ARID3A: variants seen among roughly 807,000 people sequenced by gnomAD.
The protein encoded by ARID3A is AT-rich interaction domain 3A.
Under a neutral mutation model 52.7 loss-of-function variants are expected in ARID3A, and 11 were observed. That is an observed-to-expected ratio of 0.21 (90% CI 0.13 to 0.35). ARID3A has a LOEUF of 0.35. Among genes scored for constraint, ARID3A ranks in the 10% least tolerant of loss-of-function variants. The pLI, the probability that ARID3A is intolerant of heterozygous loss-of-function variation, is 1.00. For synonymous variants in ARID3A, 404 were observed against 359.4 expected (o/e 1.12, Z -1.40); for missense variants, 721 against 838.5 (o/e 0.86, Z 1.73).
rs916028319 is a variant in ARID3A at position 929,429 on chromosome 19, C to T, written c.-100C>T. The T allele has an allele frequency of 2.3e-5, 27 of 1,161,302 alleles. No homozygotes were observed. The highest frequency in any genetic ancestry group is 7.3e-4 in the Middle Eastern group (2 of 2,754). 71.9% of individuals were successfully genotyped at this position (1,161,302 alleles called of 1,614,324 possible). A position where few individuals can be genotyped will look rare whatever the true frequency, so the allele number is the denominator to read the frequency against. On this transcript the variant is annotated 5_prime_UTR_variant, in exon 2 of 9. Coordinates refer to ENST00000263620, the MANE Select transcript of ARID3A (RefSeq NM_005224.3). This position sits in a 1 kb window ranked among gnomAD's most constrained non-coding sequence, Gnocchi z 6.2. ...CCCCCGCGGCCCCCACGCTGCAGTG[C>T]GGCCGGGCCCCCTCCCCGCAGGGGC...
At chr19:934,103 C>T (rs946981340) in intron 3 of ARID3A, among the ~76,000 whole-genome samples, 4 of 152,160 alleles carry the variant, frequency 2.6e-5, no homozygotes, top group African/African-American at 9.7e-5. Flanking sequence ...CAATATTCGC[C>T]ATCTGCCCGG....
chr19:946,862 C>T (rs921351986), intron 3 of ARID3A, among the ~76,000 whole-genome samples: 10 of 151,536 alleles, frequency 6.6e-5, no homozygotes, highest in African/African-American at 1.9e-4. Context: ...GATGTCATCT[C>T]GGCTCACTGC....
At position 929,506 on chromosome 19, in the gene ARID3A, G is replaced by A. The variant is rs1423256177; in HGVS notation, c.-23G>A. ...CGTGGTGGTGGTGGTGGTGGTGGTG[G>A]TGGTGGCCCGGGCCGCAGGGCCATG... is the stretch of plus-strand genomic sequence containing the variant. On this transcript the variant is annotated 5_prime_UTR_variant, in exon 2 of 9. The change creates a new upstream start codon in the 5' untranslated region. Transcript: ENST00000263620. This position sits in a 1 kb window ranked among gnomAD's most constrained non-coding sequence, Gnocchi z 6.2. 2 of 1,505,094 alleles carry A rather than the reference G, an allele frequency of 1.3e-6. No homozygotes were observed. The highest frequency in any genetic ancestry group is 1.8e-6 in the Non-Finnish European group (2 of 1,133,604). 93.2% of individuals were successfully genotyped at this position (1,505,094 alleles called of 1,614,324 possible).
rs1479185771 is a variant in ARID3A, at chr19:941,791, G to A, written c.693+9049G>A. Among the ~76,000 whole-genome samples, 1 of 150,326 alleles carries A rather than the reference G, an allele frequency of 6.7e-6. No homozygotes were observed. The highest frequency in any genetic ancestry group is 2.5e-5 in the African/African-American group (1 of 40,760). On this transcript the variant is annotated intron_variant, in intron 3 of 8. Transcript: ENST00000263620. The surrounding 1 kb of genome is among the most constrained non-coding windows in gnomAD (Gnocchi z 6.9). ...TGTGTGGATGTGGCTGTGTGTGTGT[G>A]TGTGTGTGTGTGTGTGTCAGGGGTG...
At chr19:965,129 C>CT (rs1568372366) in intron 6 of ARID3A, 49 bp downstream of exon 6, 3 of 1,535,952 alleles carry the variant, frequency 2.0e-6, no homozygotes, top group Non-Finnish European at 2.6e-6. Context: ...GAGCTTCAGC[C>CT]TGGCTGTCTG....
In ARID3A at chr19:934,532, AG is replaced by A. The variant is rs921214871; in HGVS notation, c.693+1796del. On this transcript the variant is annotated intron_variant, in intron 3 of 8. Transcript: ENST00000263620. ...TGGGGAAACTGAGGCCAGTGCAGGGAGGGGGGTCACTGTGTCACCGGCAGCC... is the reference window on the plus strand; with the variant it reads ...TGGGGAAACTGAGGCCAGTGCAGGGAGGGGGTCACTGTGTCACCGGCAGCC... 5.3e-5 allele frequency among the ~76,000 whole-genome samples: 8 copies of A among 152,054 alleles called. No homozygotes were observed. In the South Asian group the frequency reaches 1.5e-3, roughly 28 times the overall value.
intron 1 of ARID3A, among the ~76,000 whole-genome samples, chr19:927,457 C>G (rs944842749): frequency 2.0e-5 from 3 of 151,974 alleles, no homozygotes; most frequent in Admixed American, 6.5e-5. Flanking sequence ...TGTCCTGCTC[C>G]CCTCCCCCAC....
At chr19:945,761 C>T (rs1407808817) in intron 3 of ARID3A, among the ~76,000 whole-genome samples, 2 of 152,156 alleles carry the variant, frequency 1.3e-5, no homozygotes, top group Non-Finnish European at 2.9e-5. Flanking sequence ...TCGACATGGC[C>T]GGGGCAGGCG....
intron 3 of ARID3A, among the ~76,000 whole-genome samples, chr19:954,775 G>T (rs1012256913): frequency 2.6e-5 from 4 of 151,340 alleles, no homozygotes; most frequent in Non-Finnish European, 4.4e-5. Flanking sequence ...GGCTGAGAAG[G>T]CCTCGCAGAC....
At chr19:928,053 A>T (rs954963312) in intron 1 of ARID3A, among the ~76,000 whole-genome samples, 2 of 151,842 alleles carry the variant, frequency 1.3e-5, no homozygotes, top group African/African-American at 4.8e-5. Flanking sequence ...GGGTCACAGG[A>T]GGGATCTGAG....
At position 939,904 on chromosome 19, in the gene ARID3A, G is replaced by A. The variant is rs923688090; in HGVS notation, c.693+7162G>A. Among the ~76,000 whole-genome samples the A allele has an allele frequency of 1.3e-5, 2 of 152,042 alleles. 1 individual carries two copies. Among genetic ancestry groups the A allele is most frequent in the Admixed American group, 1.3e-4 (2 of 15,240 alleles). ...GAATCGGCAACACGTTTTCTTCGTC[G>A]TGCCCCGGAGACCCCCAGACTGGTG... On this transcript the variant is annotated intron_variant, in intron 3 of 8. Coordinates refer to ENST00000263620, the MANE Select transcript of ARID3A (RefSeq NM_005224.3).
intron 3 of ARID3A, among the ~76,000 whole-genome samples, chr19:933,278 G>A (rs978064244): frequency 3.3e-5 from 5 of 152,198 alleles, no homozygotes; most frequent in Admixed American, 1.3e-4. Flanking sequence ...CCGAGTGGGC[G>A]GTTAAGGCTG....
chr19:944,567 C>T lies in ARID3A; in HGVS notation c.693+11825C>T, dbSNP rs933546585. On this transcript the variant is annotated intron_variant, in intron 3 of 8. Coordinates refer to ENST00000263620, the MANE Select transcript of ARID3A (RefSeq NM_005224.3). The surrounding 1 kb of genome is among the most constrained non-coding windows in gnomAD (Gnocchi z 5.9). ...GTGAGCGTCCCCCACCCAGGACCCC[C>T]GACCCCGGCCCTGGGAGGGCCCGAC... Among the ~76,000 whole-genome samples the T allele has an allele frequency of 6.6e-6, 1 of 152,236 alleles. No homozygotes were observed. The highest frequency in any genetic ancestry group is 1.5e-5 in the Non-Finnish European group (1 of 67,984).
intron 2 of ARID3A, among the ~76,000 whole-genome samples, chr19:931,914 G>A (rs77193751): frequency 0.035 from 5,250 of 152,150 alleles, 266 homozygotes; most frequent in East Asian, 0.22. Flanking sequence ...GGCGGTGGGA[G>A]AATTCTCCCT....
At chr19:930,817 T>A (rs1371804040) in intron 2 of ARID3A, among the ~76,000 whole-genome samples, 2 of 151,546 alleles carry the variant, frequency 1.3e-5, no homozygotes, top group African/African-American at 4.8e-5. Flanking sequence ...CCAACTTTGT[T>A]TCATCTTAGT....
At chr19:963,865 G>C (rs922836914) in intron 4 of ARID3A, among the ~76,000 whole-genome samples, 1 of 152,200 alleles carries the variant, frequency 6.6e-6, no homozygotes, top group Non-Finnish European at 1.5e-5. Context: ...AGTGTGGAGG[G>C]AACAGGCCTC....
chr19:975,906 A>G lies in ARID3A; in HGVS notation c.*3841A>G, dbSNP rs1188602606. The stretch of plus-strand genomic sequence containing the variant: ...CCTGTAAAGCTGATGAGATATTAAA[A>G]CGAGACAAAACACTTCTGACTTTTA... On this transcript the variant is annotated 3_prime_UTR_variant, in exon 9 of 9. Transcript: ENST00000263620. 5.5e-6 allele frequency: 1 copy of G among 180,796 alleles called. No individual in the cohort carries two copies. Among genetic ancestry groups the G allele is most frequent in the Non-Finnish European group, 1.2e-5 (1 of 84,600 alleles). The allele number at this position is 180,796 out of a possible 1,614,324, so 11.2% of individuals were successfully genotyped here.
rs2037587134 is a variant in ARID3A at position 942,879 on chromosome 19, C to T, written c.693+10137C>T. On this transcript the variant is annotated intron_variant, in intron 3 of 8. Transcript: ENST00000263620. The surrounding 1 kb of genome is among the most constrained non-coding windows in gnomAD (Gnocchi z 8.1). ...TGGCATCGCCCAAAACTCACGTCCA[C>T]CCAGAACCTCAAGATGGGACTGCAT... 6.6e-6 allele frequency among the ~76,000 whole-genome samples: 1 copy of T among 152,192 alleles called. No homozygotes were observed. Among genetic ancestry groups the T allele is most frequent in the African/African-American group, 2.4e-5 (1 of 41,450 alleles).
Position 975,053 on chromosome 19 carries a change from C to A in ARID3A, c.*2988C>A, listed in dbSNP as rs1010747570. 152 of 232,348 alleles carry A rather than the reference C, an allele frequency of 6.5e-4. No individual in the cohort carries two copies. The highest frequency in any genetic ancestry group is 3.2e-3 in the African/African-American group (144 of 45,384). 14.4% of individuals were successfully genotyped at this position (232,348 alleles called of 1,614,324 possible). On this transcript the variant is annotated 3_prime_UTR_variant, in exon 9 of 9. Coordinates refer to ENST00000263620, the MANE Select transcript of ARID3A (RefSeq NM_005224.3). ...CTGCCTCAGGTGGCCCCGTTCAACC[C>A]CAGCCGTGCCCATCTCCTGCCACCG... is the stretch of plus-strand genomic sequence containing the variant.
Sources: gnomAD v4.1 joint callset for allele counts (sites outside exome capture counted in the v4.1 genomes callset) on GRCh38, gnomAD v4.1.1 for gene constraint, Gnocchi (gnomAD v3.1) non-coding constraint, MANE v1.5 for transcripts, NCBI Gene and HGNC (gene_info 2026-07-23, HGNC 2026-07-21) for gene names.